The following USP30 variants were observed in gnomAD, a reference collection of about 807,000 sequenced individuals.
USP30 encodes the protein ubiquitin carboxyl-terminal hydrolase 30.
Under a neutral mutation model 68.2 loss-of-function variants are expected in USP30, and 41 were observed. The ratio of observed to expected loss-of-function variants is 0.60; its 90% CI spans 0.47 to 0.78. The LOEUF (loss-of-function observed/expected upper bound fraction) is 0.78. Among genes scored for constraint, USP30 ranks in the 30% least tolerant of loss-of-function variants. USP30 has a pLI of 0.00. For synonymous variants in USP30, 229 were observed against 253.7 expected, an observed-to-expected ratio of 0.90 and a Z score of 0.93; for missense variants, 522 against 649.4, an observed-to-expected ratio of 0.80 and a Z score of 2.13.
At chr12:109,034,090 A>G (rs2040501888) in intron 3 of USP30, among the ~76,000 whole-genome samples, 1 of 152,236 alleles carries the variant, frequency 6.6e-6, no homozygotes, top group African/African-American at 2.4e-5. Flanking sequence ...AAAGCTCTCA[A>G]ACAAAAACAG....
intron 1 of USP30, chr12:109,053,736 A>G: frequency 3.9e-6 from 1 of 258,890 alleles, no homozygotes; most frequent in Non-Finnish European, 7.7e-6. Flanking sequence ...CGCAGGCCCC[A>G]CCACTCTCCT....
At chr12:109,026,489 G>A (rs2040446372) in intron 2 of USP30, among the ~76,000 whole-genome samples, 1 of 150,276 alleles carries the variant, frequency 6.7e-6, no homozygotes, top group Non-Finnish European at 1.5e-5. Flanking sequence ...TTTGAGACAG[G>A]GTCTCTGTCA....
At position 109,052,646 on chromosome 12, in the gene USP30, A is replaced by G; in HGVS notation, c.-33A>G. On this transcript the variant is annotated 5_prime_UTR_variant, in exon 1 of 13. Coordinates refer to ENST00000257548, the MANE Select transcript of USP30 (RefSeq NM_032663.5). ...CCGGCGGCGGCGGCGGCGGTAGCGG[A>G]GGAGACGGTTTCAGGCCTCCGGTGC... 1.4e-6 allele frequency: 2 copies of G among 1,384,174 alleles called. No homozygotes were observed. The highest frequency in any genetic ancestry group is 1.9e-6 in the Non-Finnish European group (2 of 1,051,760). The allele number at this position is 1,384,174 out of a possible 1,614,324, so 85.7% of individuals were successfully genotyped here.
At chr12:109,065,337 T>G (rs2041214641) in intron 3 of USP30, among the ~76,000 whole-genome samples, 1 of 152,250 alleles carries the variant, frequency 6.6e-6, no homozygotes, top group African/African-American at 2.4e-5. Flanking sequence ...GCCCACCACC[T>G]GTTTTTGTCA....
Position 109,058,120 on chromosome 12 carries a change from G to A in USP30, c.376+12G>A. On this transcript the variant is annotated intron_variant, in intron 3 of 12. Coordinates refer to ENST00000257548, the MANE Select transcript of USP30 (RefSeq NM_032663.5). ...GCACCTTCTGAAAGGTATCTAGATGGGAATTTCAAGGGAATTATGTACCTT... is the reference window on the plus strand; with the variant it reads ...GCACCTTCTGAAAGGTATCTAGATGAGAATTTCAAGGGAATTATGTACCTT... 6.3e-7 allele frequency: 1 copy of A among 1,587,096 alleles called. No individual in the cohort carries two copies. Among genetic ancestry groups the A allele is most frequent in the South Asian group, 1.1e-5 (1 of 87,124 alleles).
At chr12:109,049,480 G>C (rs147603508), upstream of USP30, among the ~76,000 whole-genome samples, 1,182 of 152,252 alleles carry the variant, frequency 7.8e-3, 15 homozygotes, top group African/African-American at 0.027. Context: ...TAACATTAAG[G>C]ATCACTGATC....
intron 3 of USP30, 85 bp from the exon 4 acceptor site, chr12:109,067,439 A>G: frequency 1.6e-6 from 2 of 1,240,066 alleles, no homozygotes; most frequent in Non-Finnish European, 2.3e-6. Context: ...TTTTTAATTA[A>G]CTTTGATATG....
chr12:109,080,195 C>T (rs1208681571), intron 7 of USP30, among the ~76,000 whole-genome samples: 1 of 152,156 alleles, frequency 6.6e-6, no homozygotes, highest in African/African-American at 2.4e-5. Context: ...CCCTCTGTGT[C>T]TCCTTTCTTC....
rs551213004 is a variant in USP30 at position 109,076,785 on chromosome 12, G to T, written c.720+3253G>T. Among the ~76,000 whole-genome samples the T allele has an allele frequency of 1.4e-3, 190 of 140,236 alleles. 1 individual carries two copies. Among genetic ancestry groups the T allele is most frequent in the Non-Finnish European group, 1.9e-3 (125 of 66,396 alleles). 92.0% of individuals were successfully genotyped at this position (140,236 alleles called of 152,430 possible). A position where few individuals can be genotyped will look rare whatever the true frequency, so the allele number is the denominator to read the frequency against. ...CTTGCTCTGTCGCCCAGGCTGGAGT[G>T]CAGTGGCGTGATCTCGGCTCACTGC... On this transcript the variant is annotated intron_variant, in intron 7 of 12. Transcript: ENST00000257548.
At chr12:109,051,945 GGA>G (rs2040682033), upstream of USP30, among the ~76,000 whole-genome samples, 1 of 152,152 alleles carries the variant, frequency 6.6e-6, no homozygotes, top group African/African-American at 2.4e-5. Context: ...TATTTCTGTT[GGA>G]GAGTGCCATT....
At position 109,052,778 on chromosome 12, in the gene USP30, C is replaced by T. The variant is rs766332332; in HGVS notation, c.83+17C>T. 4.9e-6 allele frequency: 7 copies of T among 1,437,200 alleles called. No individual in the cohort carries two copies. Among genetic ancestry groups the T allele is most frequent in the East Asian group, 2.8e-5 (1 of 36,232 alleles). 89.0% of individuals were successfully genotyped at this position (1,437,200 alleles called of 1,614,324 possible). On this transcript the variant is annotated intron_variant, in intron 1 of 12. Coordinates refer to ENST00000257548, the MANE Select transcript of USP30 (RefSeq NM_032663.5). ...GGCCGTCAGGTGAGATTTTGGGGGG[C>T]GGGGCTGCCGAAGAGGCCGGGACCA...
At chr12:109,045,646 A>C (rs1157831587) in intron 3 of USP30, among the ~76,000 whole-genome samples, 1 of 152,126 alleles carries the variant, frequency 6.6e-6, no homozygotes, top group Non-Finnish European at 1.5e-5. Flanking sequence ...AGAACCCACT[A>C]GGAGGGGCTG....
Position 109,072,367 on chromosome 12 carries a change from G to A in USP30, c.625+17G>A, listed in dbSNP as rs370220358. ...GCACAAGAGGTAGCTGTTTTCCATT[G>A]AAATATAACACATAAGATGTGGACT... On this transcript the variant is annotated intron_variant, in intron 6 of 12. Transcript: ENST00000257548. 8.7e-6 allele frequency: 14 copies of A among 1,609,714 alleles called. No homozygotes were observed. The highest frequency in any genetic ancestry group is 2.7e-5 in the African/African-American group (2 of 74,754).
intron 5 of USP30, 24 bp from the exon 6 acceptor site, chr12:109,072,281 G>GTTTTT: frequency 7.4e-7 from 1 of 1,344,156 alleles, no homozygotes; most frequent in Non-Finnish European, 1.0e-6. Context: ...TTTTCAGTCT[G>GTTTTT]TTTTTTTTTT....
intron 3 of USP30, among the ~76,000 whole-genome samples, chr12:109,063,252 A>G (rs1237045459): frequency 6.6e-6 from 1 of 152,006 alleles, no homozygotes; most frequent in Non-Finnish European, 1.5e-5. Context: ...GGCGTGCACC[A>G]CCACACCTGG....
intron 1 of USP30, 190 bp downstream of exon 1, chr12:109,052,951 C>A: frequency 2.0e-6 from 1 of 491,170 alleles, no homozygotes; most frequent in Non-Finnish European, 3.4e-6. Context: ...AGTCCTTCGG[C>A]AACACCAATT....
intron 4 of USP30, 66 bp from the exon 5 acceptor site, chr12:109,071,546 G>A (rs1440248917): frequency 1.5e-6 from 2 of 1,361,386 alleles, no homozygotes; most frequent in Non-Finnish European, 1.0e-6. Context: ...TCTGCCCGAG[G>A]TGGGTAGTTC....
intron 3 of USP30, among the ~76,000 whole-genome samples, chr12:109,060,843 C>A (rs2135730655): frequency 6.6e-6 from 1 of 152,250 alleles, no homozygotes; most frequent in African/African-American, 2.4e-5. Context: ...TTAGTAGAGA[C>A]AGGGTTTCAC....
chr12:109,077,433 T>G (rs2041644453), intron 7 of USP30, among the ~76,000 whole-genome samples: 2 of 152,244 alleles, frequency 1.3e-5, no homozygotes, highest in Non-Finnish European at 2.9e-5. Context: ...TGATAAATTG[T>G]CCCTCTTCAT....
Sources: gnomAD v4.1 joint callset for allele counts (sites outside exome capture counted in the v4.1 genomes callset) on GRCh38, gnomAD v4.1.1 for gene constraint, MANE v1.5 for transcripts, NCBI Gene and HGNC (gene_info 2026-07-23, HGNC 2026-07-21) for gene names.